Variants in NUBPL observed in about 807,000 individuals in gnomAD.
NUBPL encodes the protein iron-sulfur cluster transfer protein NUBPL.
In NUBPL, 31 loss-of-function variants were observed where a neutral mutation model predicts 45.7. The observed-to-expected ratio is 0.68, with a 90% CI of 0.51 to 0.92. The LOEUF (loss-of-function observed/expected upper bound fraction) is 0.92. NUBPL is among the 40% of genes least tolerant of loss of function. NUBPL has a pLI of 0.00. For synonymous variants in NUBPL, 144 were observed against 140.9 expected, an observed-to-expected ratio of 1.02 and a Z score of -0.15; for missense variants, 401 against 398.7, an observed-to-expected ratio of 1.01 and a Z score of -0.05.
At chr14:31,628,578 G>A (rs1018942436) in intron 4 of NUBPL, among the ~76,000 whole-genome samples, 9 of 152,084 alleles carry the variant, frequency 5.9e-5, no homozygotes, top group South Asian at 4.1e-4. Flanking sequence ...CTTTGAAGTC[G>A]TAGGTTTATT....
intron 4 of NUBPL, among the ~76,000 whole-genome samples, chr14:31,636,745 T>C (rs1326893812): frequency 1.3e-5 from 2 of 152,234 alleles, no homozygotes; most frequent in Admixed American, 1.3e-4. Flanking sequence ...TGGTAAGCTA[T>C]TGATTATTGC....
chr14:31,617,552 G>A (rs1431002974), intron 4 of NUBPL, among the ~76,000 whole-genome samples: 1 of 152,122 alleles, frequency 6.6e-6, no homozygotes, highest in Admixed American at 6.5e-5. Context: ...TTTTGTCATT[G>A]GTTCTGTTTA....
rs114975218 is a variant in NUBPL, at chr14:31,774,369, G to C, written c.514-13411G>C. ...TTGTGGTAAACTGCTTGAACCAGCT[G>C]AGAAGCCTAAAATGGAACTATTGAC... On this transcript the variant is annotated intron_variant, in intron 6 of 10. Coordinates refer to ENST00000281081, the MANE Select transcript of NUBPL (RefSeq NM_025152.3). Among the ~76,000 whole-genome samples the C allele has an allele frequency of 5.1e-3, 784 of 152,294 alleles. 10 individuals carry two copies. Among genetic ancestry groups the C allele is most frequent in the African/African-American group, 0.018 (738 of 41,568 alleles).
intron 6 of NUBPL, among the ~76,000 whole-genome samples, chr14:31,674,400 C>T (rs1381113666): frequency 1.3e-5 from 2 of 152,020 alleles, no homozygotes; most frequent in African/African-American, 2.4e-5. Flanking sequence ...CTTTTTTTCA[C>T]TATAACATCT....
chr14:31,687,125 C>T (rs1423628631), intron 6 of NUBPL, among the ~76,000 whole-genome samples: 1 of 152,046 alleles, frequency 6.6e-6, no homozygotes, highest in African/African-American at 2.4e-5. Flanking sequence ...AAAAAAAATT[C>T]ATTGTGTATC....
At chr14:31,562,373 A>G (rs1477708969) in intron 2 of NUBPL, among the ~76,000 whole-genome samples, 158 bp downstream of exon 2, 2 of 152,236 alleles carry the variant, frequency 1.3e-5, no homozygotes, top group African/African-American at 4.8e-5. Context: ...AGACGCTTAG[A>G]TTTTGGAGTT....
chr14:31,723,319 G>A (rs2037852232), intron 6 of NUBPL, among the ~76,000 whole-genome samples: 1 of 152,166 alleles, frequency 6.6e-6, no homozygotes, highest in South Asian at 2.1e-4. Context: ...TTTTGTACCA[G>A]TACCATGTTG....
intron 6 of NUBPL, among the ~76,000 whole-genome samples, chr14:31,747,753 C>T (rs1422536390): frequency 3.3e-5 from 5 of 151,952 alleles, no homozygotes; most frequent in African/African-American, 4.8e-5. Context: ...CTTTAAAAAA[C>T]GCTTTTTGTT....
intron 7 of NUBPL, among the ~76,000 whole-genome samples, chr14:31,817,330 C>A (rs2039938320): frequency 6.6e-6 from 1 of 152,194 alleles, no homozygotes; most frequent in Non-Finnish European, 1.5e-5. Context: ...ACAGAGAACA[C>A]TGCAAAGATA....
At chr14:31,755,910 T>C (rs1262697751) in intron 6 of NUBPL, among the ~76,000 whole-genome samples, 1 of 151,504 alleles carries the variant, frequency 6.6e-6, no homozygotes, top group Non-Finnish European at 1.5e-5. Context: ...TTCAGCTTTG[T>C]ACATATGGCT....
rs150654855 is a variant in NUBPL at position 31,655,213 on chromosome 14, C to T, written c.383-18142C>T. On this transcript the variant is annotated intron_variant, in intron 4 of 10. Coordinates refer to ENST00000281081, the MANE Select transcript of NUBPL (RefSeq NM_025152.3). ...CCAGGAGATTTTCAATTGATAGATCCGTTAGAGGAATTACTATCTATGGCA... is the reference window on the plus strand; with the variant it reads ...CCAGGAGATTTTCAATTGATAGATCTGTTAGAGGAATTACTATCTATGGCA... Among the ~76,000 whole-genome samples, 4 of 152,206 alleles carry T rather than the reference C, an allele frequency of 2.6e-5. No individual in the cohort carries two copies. The East Asian group carries it at 7.7e-4, about 29-fold the overall frequency.
Position 31,712,082 on chromosome 14 carries a change from G to A in NUBPL, c.513+38508G>A, listed in dbSNP as rs192823058. Among the ~76,000 whole-genome samples, 524 of 152,300 alleles carry A rather than the reference G, an allele frequency of 3.4e-3. 1 individual carries two copies. Among genetic ancestry groups the A allele is most frequent in the African/African-American group, 0.01 (418 of 41,558 alleles). On this transcript the variant is annotated intron_variant, in intron 6 of 10. Transcript: ENST00000281081. The stretch of plus-strand genomic sequence containing the variant: ...CACAGCATGGAAGGGGACCCGGAGC[G>A]GGTTGCTGGCTGCTGGCTGGGGTGG...
At chr14:31,664,325 G>C (rs1027211429) in intron 4 of NUBPL, among the ~76,000 whole-genome samples, 1 of 152,128 alleles carries the variant, frequency 6.6e-6, no homozygotes, top group African/African-American at 2.4e-5. Flanking sequence ...TTTTCAAAGG[G>C]AATGCTTCCA....
At chr14:31,757,174 T>G (rs2038686407) in intron 6 of NUBPL, among the ~76,000 whole-genome samples, 1 of 124,390 alleles carries the variant, frequency 8.0e-6, no homozygotes, top group Admixed American at 8.8e-5. Flanking sequence ...TTTTTGGTTG[T>G]GTCTCTGCCT....
At chr14:31,752,403 C>G (rs184755628) in intron 6 of NUBPL, among the ~76,000 whole-genome samples, 2 of 152,244 alleles carry the variant, frequency 1.3e-5, no homozygotes, top group African/African-American at 2.4e-5. Context: ...GCCAGGTACC[C>G]TAAGTCATCT....
chr14:31,849,046 A>G (rs2040498193), intron 9 of NUBPL, among the ~76,000 whole-genome samples: 1 of 152,244 alleles, frequency 6.6e-6, no homozygotes, highest in Admixed American at 6.5e-5. Flanking sequence ...TTAAATGGTT[A>G]CTAAAATATC....
At chr14:31,566,527 T>C (rs919662091) in intron 3 of NUBPL, among the ~76,000 whole-genome samples, 1 of 152,122 alleles carries the variant, frequency 6.6e-6, no homozygotes, top group Non-Finnish European at 1.5e-5. Flanking sequence ...TCCTCTTTCT[T>C]GAATTCTTTT....
chr14:31,669,809 G>GTTTTCTTTTTTTTTTTTTTTTTT (rs2036530155), intron 4 of NUBPL, among the ~76,000 whole-genome samples: 1 of 51,530 alleles, frequency 1.9e-5, no homozygotes, highest in Non-Finnish European at 3.1e-5. Flanking sequence ...TTTTTTTTTT[G>GTTTTCTTTTTTTTTTTTTTTTTT]TTTTTTTTTT....
intron 4 of NUBPL, among the ~76,000 whole-genome samples, chr14:31,601,625 A>G (rs1256691167): frequency 2.6e-5 from 4 of 152,238 alleles, no homozygotes; most frequent in Non-Finnish European, 5.9e-5. Flanking sequence ...GCAGCCAAAA[A>G]AACACATGAA....
Sources: allele counts gnomAD v4.1 joint callset (sites outside exome capture counted in the v4.1 genomes callset), GRCh38; gene constraint gnomAD v4.1.1; transcripts MANE v1.5; gene names NCBI Gene and HGNC (gene_info 2026-07-23, HGNC 2026-07-21).